GALNTL6: variants seen among roughly 807,000 people sequenced by gnomAD.
GALNTL6 encodes polypeptide N-acetylgalactosaminyltransferase like 6.
In GALNTL6, 46 loss-of-function variants were observed where a neutral mutation model predicts 73.7. That is an observed-to-expected ratio of 0.62 (90% CI 0.49 to 0.80). The LOEUF is 0.80. Among genes scored for constraint, GALNTL6 ranks in the 30% least tolerant of loss-of-function variants. GALNTL6 has a pLI of 0.00. For synonymous variants in GALNTL6, 259 were observed against 263.7 expected (o/e 0.98, Z 0.17); for missense variants, 604 against 755.0 (o/e 0.80, Z 2.34).
At chr4:172,995,101 T>C (rs568725867) in intron 10 of GALNTL6, among the ~76,000 whole-genome samples, 7 of 152,296 alleles carry the variant, frequency 4.6e-5, no homozygotes, top group East Asian at 1.9e-4. Flanking sequence ...CTTTTCATGA[T>C]TGTACTAGAA....
intron 2 of GALNTL6, among the ~76,000 whole-genome samples, chr4:171,972,830 T>C (rs769405422): frequency 6.6e-5 from 10 of 152,152 alleles, no homozygotes; most frequent in South Asian, 2.1e-4. Context: ...CATAGAGAGA[T>C]AATCAATTCT....
chr4:171,955,233 C>T (rs564930135), intron 2 of GALNTL6, among the ~76,000 whole-genome samples: 87 of 152,194 alleles, frequency 5.7e-4, no homozygotes, highest in African/African-American at 2.1e-3. Context: ...ACAAAAGAAA[C>T]TTTCTTTGGT....
intron 5 of GALNTL6, among the ~76,000 whole-genome samples, chr4:172,699,050 G>C (rs779345633): frequency 6.6e-6 from 1 of 152,144 alleles, no homozygotes; most frequent in African/African-American, 2.4e-5. Context: ...TTTAGAGAAA[G>C]CCTGCTTTCT....
intron 5 of GALNTL6, among the ~76,000 whole-genome samples, chr4:172,676,882 C>T (rs10520242): frequency 0.13 from 19,839 of 152,170 alleles, 1,550 homozygotes; most frequent in East Asian, 0.25. Flanking sequence ...TTTCAGGGCT[C>T]TCTAACATTT....
chr4:172,546,374 T>C (rs754021763), intron 5 of GALNTL6, among the ~76,000 whole-genome samples: 2 of 152,108 alleles, frequency 1.3e-5, no homozygotes, highest in African/African-American at 2.4e-5. Context: ...ACCTGCACAA[T>C]GTTGACTATT....
intron 5 of GALNTL6, among the ~76,000 whole-genome samples, chr4:172,539,303 G>T (rs1735463355): frequency 1.3e-5 from 2 of 152,124 alleles, no homozygotes; most frequent in South Asian, 4.1e-4. Context: ...ATCAGCAGCA[G>T]CAATAAATTT....
At chr4:172,202,605 A>G (rs1489831141) in intron 2 of GALNTL6, among the ~76,000 whole-genome samples, 1 of 152,194 alleles carries the variant, frequency 6.6e-6, no homozygotes, top group Non-Finnish European at 1.5e-5. Flanking sequence ...CATTATCCCC[A>G]AAATAAGTAT....
Position 172,774,286 on chromosome 4 carries a change from A to G in GALNTL6, c.554-35075A>G, listed in dbSNP as rs557898670. On this transcript the variant is annotated intron_variant, in intron 5 of 12. Coordinates refer to ENST00000506823, the MANE Select transcript of GALNTL6 (RefSeq NM_001034845.3). ...CTGTGTCTCAACATGGTGGTTGTAC[A>G]GTATTTCATTTTAAATGCACTGAAG... is the stretch of plus-strand genomic sequence containing the variant. Among the ~76,000 whole-genome samples, 10 of 152,326 alleles carry G rather than the reference A, an allele frequency of 6.6e-5. No homozygotes were observed. The East Asian group carries it at 1.7e-3, about 26-fold the overall frequency.
At chr4:172,177,769 G>A (rs114279583) in intron 2 of GALNTL6, among the ~76,000 whole-genome samples, 82 of 69,980 alleles carry the variant, frequency 1.2e-3, no homozygotes, top group African/African-American at 3.6e-3. Flanking sequence ...GTATATATAT[G>A]TACACATATA....
chr4:172,265,844 A>G (rs1579314420), intron 3 of GALNTL6, among the ~76,000 whole-genome samples: 2 of 152,158 alleles, frequency 1.3e-5, no homozygotes, highest in South Asian at 4.1e-4. Flanking sequence ...CGATAAGAGG[A>G]TATTAGAGTA....
chr4:172,380,370 C>T, intron 5 of GALNTL6: 1 of 683,522 alleles, frequency 1.5e-6, no homozygotes, highest in South Asian at 1.4e-5. Context: ...CAGGGACTGG[C>T]AATGACCACA....
intron 5 of GALNTL6, among the ~76,000 whole-genome samples, chr4:172,498,406 A>G (rs1255796601): frequency 6.6e-6 from 1 of 152,138 alleles, no homozygotes; most frequent in South Asian, 2.1e-4. Context: ...AAAAAATTTT[A>G]TACTAAAATA....
At chr4:172,568,616 G>A (rs2110943025) in intron 5 of GALNTL6, among the ~76,000 whole-genome samples, 1 of 151,462 alleles carries the variant, frequency 6.6e-6, no homozygotes, top group Non-Finnish European at 1.5e-5. Flanking sequence ...AAATTAGCCG[G>A]GCGTGATGGT....
chr4:172,765,457 T>C (rs952966102), intron 5 of GALNTL6, among the ~76,000 whole-genome samples: 1 of 152,194 alleles, frequency 6.6e-6, no homozygotes, highest in African/African-American at 2.4e-5. Context: ...GACTGCTTAT[T>C]CATCTGAAGT....
rs530502698 is a variant in GALNTL6, at chr4:172,337,570, A to G, written c.387-10953A>G. ...GTGGTACATTAATTTTTTTTTTAAG[A>G]GTGCTGGCTATAGGCCTCAATCTCT... is the stretch of plus-strand genomic sequence containing the variant. On this transcript the variant is annotated intron_variant, in intron 4 of 12. Transcript: ENST00000506823. 1.1e-4 allele frequency among the ~76,000 whole-genome samples: 17 copies of G among 151,862 alleles called. No individual in the cohort carries two copies. The South Asian group carries it at 3.1e-3, about 28-fold the overall frequency.
chr4:172,548,303 C>G (rs576253376), intron 5 of GALNTL6, among the ~76,000 whole-genome samples: 1 of 152,292 alleles, frequency 6.6e-6, no homozygotes, highest in East Asian at 1.9e-4. Context: ...AAGACCTTCA[C>G]CACTCCAGGT....
intron 2 of GALNTL6, among the ~76,000 whole-genome samples, chr4:172,174,011 T>C (rs1177106602): frequency 6.6e-6 from 1 of 152,210 alleles, no homozygotes; most frequent in Non-Finnish European, 1.5e-5. Flanking sequence ...CATTGAAGGA[T>C]TTTAAGCAGG....
intron 5 of GALNTL6, among the ~76,000 whole-genome samples, chr4:172,362,250 G>T (rs1742395636): frequency 6.6e-6 from 1 of 152,030 alleles, no homozygotes; most frequent in African/African-American, 2.4e-5. Context: ...TTCTGAAGTT[G>T]TACAACTAGC....
intron 2 of GALNTL6, among the ~76,000 whole-genome samples, chr4:172,205,972 A>G (rs1736097414): frequency 6.6e-6 from 1 of 152,204 alleles, no homozygotes; most frequent in African/African-American, 2.4e-5. Context: ...TTGTTTTCCC[A>G]CTACCTACTC....
Sources: allele counts gnomAD v4.1 joint callset (sites outside exome capture counted in the v4.1 genomes callset), GRCh38; gene constraint gnomAD v4.1.1; transcripts MANE v1.5; gene names NCBI Gene and HGNC (gene_info 2026-07-23, HGNC 2026-07-21).